The following MGAT5 variants were observed in gnomAD, a reference collection of about 807,000 sequenced individuals.
MGAT5 encodes alpha-1,6-mannosylglycoprotein 6-beta-N-acetylglucosaminyltransferase.
A neutral mutation model predicts 94.3 loss-of-function variants in MGAT5; 30 were observed. The ratio of observed to expected loss-of-function variants is 0.32; its 90% confidence interval spans 0.24 to 0.43. The LOEUF is 0.43. Among genes scored for constraint, MGAT5 ranks in the 20% least tolerant of loss-of-function variants. MGAT5 has a pLI of 1.00. For synonymous variants in MGAT5, 310 were observed against 322.9 expected, an observed-to-expected ratio of 0.96 and a Z score of 0.43; for missense variants, 691 against 905.5, an observed-to-expected ratio of 0.76 and a Z score of 3.04.
At chr2:134,380,787 C>T (rs996578012) in intron 10 of MGAT5, among the ~76,000 whole-genome samples, 3 of 152,140 alleles carry the variant, frequency 2.0e-5, no homozygotes, top group African/African-American at 4.8e-5. Flanking sequence ...CTTAACAGAG[C>T]GCAAGAACCT....
intron 13 of MGAT5, among the ~76,000 whole-genome samples, chr2:134,423,294 T>A (rs188466648): frequency 1.1e-4 from 17 of 152,372 alleles, no homozygotes; most frequent in African/African-American, 3.6e-4. Flanking sequence ...TGCTGAGGAA[T>A]GTTTTTATAG....
intron 7 of MGAT5, among the ~76,000 whole-genome samples, 183 bp downstream of exon 7, chr2:134,341,942 G>A (rs1178777679): frequency 6.6e-6 from 1 of 152,142 alleles, no homozygotes; most frequent in East Asian, 1.9e-4. Flanking sequence ...AGGATAATAT[G>A]TTTTCATTGT....
intron 11 of MGAT5, 89 bp downstream of exon 11, chr2:134,403,226 T>C (rs2106298300): frequency 1.5e-6 from 2 of 1,360,428 alleles, no homozygotes; most frequent in African/African-American, 1.5e-5. Flanking sequence ...TTTTCAATGC[T>C]GCAATAAACT....
chr2:134,441,742 T>C lies in MGAT5; in HGVS notation c.1870-16T>C, dbSNP rs775329825. ...TATCCTTGGACCTGTGGCTGATGGC[T>C]TCATTGTCGTTCTAGGACTTCTGCC... On this transcript the variant is annotated splice_polypyrimidine_tract_variant and intron_variant, in intron 14 of 15. Coordinates refer to ENST00000281923, the MANE Select transcript of MGAT5 (RefSeq NM_002410.5). The C allele has an allele frequency of 3.1e-6, 5 of 1,602,692 alleles. No individual in the cohort carries two copies. Among genetic ancestry groups the C allele is most frequent in the Non-Finnish European group, 4.3e-6 (5 of 1,171,682 alleles).
At chr2:134,186,570 G>T (rs923750147) in intron 1 of MGAT5, among the ~76,000 whole-genome samples, 4 of 152,168 alleles carry the variant, frequency 2.6e-5, no homozygotes, top group African/African-American at 9.7e-5. Flanking sequence ...CAGAATCGGA[G>T]CACGTTAATT....
chr2:134,443,576 A>G (rs1340278908), intron 15 of MGAT5, among the ~76,000 whole-genome samples: 1 of 152,228 alleles, frequency 6.6e-6, no homozygotes, highest in Non-Finnish European at 1.5e-5. Context: ...AAACAAAAGC[A>G]TAGGTCAAAA....
chr2:134,324,927 C>G (rs1687552679), intron 4 of MGAT5, among the ~76,000 whole-genome samples: 1 of 151,658 alleles, frequency 6.6e-6, no homozygotes, highest in African/African-American at 2.4e-5. Context: ...CTTCTCTGTT[C>G]AGCCTTTATT....
At chr2:134,244,106 T>C (rs537385061) in intron 1 of MGAT5, among the ~76,000 whole-genome samples, 1 of 152,330 alleles carries the variant, frequency 6.6e-6, no homozygotes, top group Admixed American at 6.5e-5. Context: ...TTTGTGGCTT[T>C]ACTGTCCTTT....
intron 1 of MGAT5, among the ~76,000 whole-genome samples, chr2:134,133,034 C>T (rs1473729216): frequency 6.6e-6 from 1 of 152,158 alleles, no homozygotes; most frequent in East Asian, 1.9e-4. Flanking sequence ...GCACAAATTC[C>T]ATTCAAGTGC....
At chr2:134,287,563 C>T (rs943029170) in intron 2 of MGAT5, among the ~76,000 whole-genome samples, 1 of 152,146 alleles carries the variant, frequency 6.6e-6, no homozygotes, top group Non-Finnish European at 1.5e-5. Flanking sequence ...CCATAGATGA[C>T]GTTGGACCCT....
In MGAT5 at chr2:134,412,804, A is replaced by T. The variant is rs898905891; in HGVS notation, c.1531-65A>T. 4 of 1,583,718 alleles carry T rather than the reference A, an allele frequency of 2.5e-6. No individual in the cohort carries two copies. The African/African-American group carries it at 5.4e-5, about 21-fold the overall frequency. Reference sequence around the variant, plus strand: ...CAGAATCGCCGCCTGCAAGCTAGGAATGCCCGTCCTGCCTGATGGTCCTGC... The same window carrying T: ...CAGAATCGCCGCCTGCAAGCTAGGATTGCCCGTCCTGCCTGATGGTCCTGC... On this transcript the variant is annotated intron_variant, in intron 11 of 15. Coordinates refer to ENST00000281923, the MANE Select transcript of MGAT5 (RefSeq NM_002410.5).
intron 1 of MGAT5, among the ~76,000 whole-genome samples, chr2:134,142,764 T>G (rs1454275267): frequency 6.6e-6 from 1 of 152,206 alleles, no homozygotes. Context: ...TGTTTGTTTT[T>G]TGTTTTTTAA....
chr2:134,300,382 C>T (rs16830362), intron 2 of MGAT5, among the ~76,000 whole-genome samples: 2,641 of 152,228 alleles, frequency 0.017, 87 homozygotes, highest in African/African-American at 0.06. Context: ...CTGCCTTCTG[C>T]TGAATGTCTT....
rs189845735 is a variant in MGAT5 at position 134,430,979 on chromosome 2, C to T, written c.1869+2540C>T. 1.2e-3 allele frequency among the ~76,000 whole-genome samples: 188 copies of T among 152,114 alleles called. 4 individuals carry two copies. Among genetic ancestry groups the T allele is most frequent in the Middle Eastern group, 6.8e-3 (2 of 294 alleles). ...CATGGCCCAGCCCGCCGAGGGAGGA[C>T]GGGGGAGAAATGGTAGAGTGTATCT... On this transcript the variant is annotated intron_variant, in intron 14 of 15. Transcript: ENST00000281923.
At chr2:134,377,532 G>A (rs1436365079) in intron 10 of MGAT5, among the ~76,000 whole-genome samples, 1 of 152,174 alleles carries the variant, frequency 6.6e-6, no homozygotes, top group Non-Finnish European at 1.5e-5. Flanking sequence ...GTCCTCAAGA[G>A]TACATGATTC....
intron 1 of MGAT5, among the ~76,000 whole-genome samples, chr2:134,208,536 G>T (rs1323610144): frequency 2.6e-5 from 4 of 152,192 alleles, no homozygotes; most frequent in Non-Finnish European, 4.4e-5. Context: ...AGTAGAATAT[G>T]TGAGAAATGA....
chr2:134,280,871 A>C (rs543119022), intron 2 of MGAT5, among the ~76,000 whole-genome samples: 1 of 152,190 alleles, frequency 6.6e-6, no homozygotes, highest in Admixed American at 6.5e-5. Context: ...TAAGTGTCCA[A>C]CTCAGGTTTT....
rs1256389402 is a variant in MGAT5 at position 134,327,863 on chromosome 2, T to C, written c.574-8354T>C. ...CATTGTCACTTAGCATAATTGCACA[T>C]TAAACACAAAAAAAGAGCTATATCA... is the stretch of plus-strand genomic sequence containing the variant. On this transcript the variant is annotated intron_variant, in intron 4 of 15. Coordinates refer to ENST00000281923, the MANE Select transcript of MGAT5 (RefSeq NM_002410.5). Among the ~76,000 whole-genome samples the C allele has an allele frequency of 2.0e-5, 3 of 152,180 alleles. No homozygotes were observed. The East Asian group carries it at 5.8e-4, about 29-fold the overall frequency.
chr2:134,432,717 T>A (rs1684951599), intron 14 of MGAT5, among the ~76,000 whole-genome samples: 2 of 152,208 alleles, frequency 1.3e-5, no homozygotes, highest in Non-Finnish European at 2.9e-5. Flanking sequence ...GTTTCTGACC[T>A]TGGGCAAGTT....
Sources: allele counts gnomAD v4.1 joint callset (sites outside exome capture counted in the v4.1 genomes callset), GRCh38; gene constraint gnomAD v4.1.1; transcripts MANE v1.5; gene names NCBI Gene and HGNC (gene_info 2026-07-23, HGNC 2026-07-21).